Variants in SSH2 observed in about 807,000 individuals in gnomAD.
The protein encoded by SSH2 is slingshot protein phosphatase 2.
Under a neutral mutation model 135.2 loss-of-function variants are expected in SSH2, and 37 were observed. The ratio of observed to expected loss-of-function variants is 0.27; its 90% CI spans 0.21 to 0.36. The LOEUF is 0.36. SSH2 is among the 10% of genes least tolerant of loss of function. SSH2 has a pLI of 1.00. For synonymous variants in SSH2, 628 were observed against 646.2 expected, an observed-to-expected ratio of 0.97 and a Z score of 0.43; for missense variants, 1,408 against 1,765.3, an observed-to-expected ratio of 0.80 and a Z score of 3.63.
intron 1 of SSH2, chr17:29,855,935 G>A: frequency 3.7e-6 from 1 of 267,032 alleles, no homozygotes; most frequent in Non-Finnish European, 7.2e-6. Context: ...ACAAATGATT[G>A]GGAAATAGAA....
At chr17:29,820,638 A>G (rs1482417903) in intron 2 of SSH2, among the ~76,000 whole-genome samples, 1 of 152,234 alleles carries the variant, frequency 6.6e-6, no homozygotes, top group East Asian at 1.9e-4. Context: ...TCTAGAAAGT[A>G]TTCCCCAGCT....
Position 29,631,241 on chromosome 17 carries a change from G to A in SSH2, c.3953C>T (p.Pro1318Leu). Residue 1318 changes from proline (P) to leucine (L), a missense_variant, in exon 16 of 16, where the codon CCT becomes CTT. Around this residue, in one of 3 missense-constraint regions of SSH2, gnomAD observed 1,080 missense variants for 1,144.5 expected, o/e 0.94. Transcript: ENST00000540801. ...CATGCCTGAGTCTGTTCTGAGGAAA[G>A]GCTGAAGCAGTTTGAGATGAGGGGA... ...CESPHLKLLQ[P>L]FLRTDSGMHA... 1 of 1,614,076 alleles carries A rather than the reference G, an allele frequency of 6.2e-7. No homozygotes were observed. The highest frequency in any genetic ancestry group is 8.5e-7 in the Non-Finnish European group (1 of 1,180,040).
intron 1 of SSH2, among the ~76,000 whole-genome samples, chr17:29,913,777 G>A (rs1456445612): frequency 1.3e-5 from 2 of 151,856 alleles, no homozygotes; most frequent in Non-Finnish European, 2.9e-5. Context: ...TGGGATTACA[G>A]GCAAGCACCA....
At chr17:29,689,206 A>G (rs1216828778) in intron 5 of SSH2, among the ~76,000 whole-genome samples, 1 of 152,184 alleles carries the variant, frequency 6.6e-6, no homozygotes, top group Non-Finnish European at 1.5e-5. Context: ...AGGTTAAGGA[A>G]TTAAAAATCT....
At chr17:29,828,974 T>C (rs1256145376) in intron 2 of SSH2, among the ~76,000 whole-genome samples, 1 of 152,206 alleles carries the variant, frequency 6.6e-6, no homozygotes, top group Non-Finnish European at 1.5e-5. Context: ...CAAATGACAT[T>C]TGTAAAATTA....
rs144473714 is a variant in SSH2 at position 29,707,424 on chromosome 17, C to A, written c.189-4362G>T. 1.8e-3 allele frequency among the ~76,000 whole-genome samples: 279 copies of A among 152,148 alleles called. 2 individuals carry two copies. Among genetic ancestry groups the A allele is most frequent in the African/African-American group, 6.5e-3 (271 of 41,488 alleles). On this transcript the variant is annotated intron_variant, in intron 3 of 15. Coordinates refer to ENST00000540801, the MANE Select transcript of SSH2 (RefSeq NM_001282129.2). The stretch of plus-strand genomic sequence containing the variant: ...TCAAACTCACATATAGTATAAATAT[C>A]ACAAATTCACATATAAGAGAAAAGA...
intron 2 of SSH2, among the ~76,000 whole-genome samples, chr17:29,843,105 T>TGA (rs1351245579): frequency 6.6e-6 from 1 of 152,214 alleles, no homozygotes. Flanking sequence ...TTATCAGGAA[T>TGA]GACAGGACGT....
At position 29,738,269 on chromosome 17, in the gene SSH2, ATGG is replaced by A. The variant is rs960832523; in HGVS notation, c.189-35210_189-35208del. Among the ~76,000 whole-genome samples, 138 of 91,196 alleles carry A rather than the reference ATGG, an allele frequency of 1.5e-3. No homozygotes were observed. The East Asian group carries it at 0.026, about 17-fold the overall frequency. The allele number at this position is 91,196 out of a possible 152,430, so 59.8% of individuals were successfully genotyped here. A position where few individuals can be genotyped will look rare whatever the true frequency, so the allele number is the denominator to read the frequency against. On this transcript the variant is annotated intron_variant, in intron 3 of 15. Coordinates refer to ENST00000540801, the MANE Select transcript of SSH2 (RefSeq NM_001282129.2). ...AAAGGACATGAACTCATTCTTTTTT[ATGG>A]CTGCATAGTATTCCATGGTGTATAT...
intron 3 of SSH2, among the ~76,000 whole-genome samples, chr17:29,725,121 G>A (rs1039571788): frequency 6.6e-6 from 1 of 151,358 alleles, no homozygotes; most frequent in Non-Finnish European, 1.5e-5. Flanking sequence ...GCCAAGACGG[G>A]CAGATCACGA....
intron 2 of SSH2, among the ~76,000 whole-genome samples, chr17:29,813,936 C>T (rs948546350): frequency 6.8e-6 from 1 of 148,092 alleles, no homozygotes; most frequent in African/African-American, 2.5e-5. Flanking sequence ...TCAAGACCAT[C>T]CTGGCTAACA....
At chr17:29,694,241 G>A (rs938157258) in intron 5 of SSH2, among the ~76,000 whole-genome samples, 1 of 152,192 alleles carries the variant, frequency 6.6e-6, no homozygotes, top group Non-Finnish European at 1.5e-5. Context: ...AGTAAGCCAC[G>A]TGAATATTGA....
At chr17:29,858,377 G>T (rs976225544) in intron 1 of SSH2, among the ~76,000 whole-genome samples, 1 of 152,318 alleles carries the variant, frequency 6.6e-6, no homozygotes, top group African/African-American at 2.4e-5. Flanking sequence ...GGATCTAGGG[G>T]AATGTTACAG....
At chr17:29,914,129 TTA>T (rs1243426147) in intron 1 of SSH2, among the ~76,000 whole-genome samples, 4 of 152,206 alleles carry the variant, frequency 2.6e-5, no homozygotes, top group African/African-American at 9.6e-5. Context: ...ATCTTATATC[TTA>T]TATACAAAGC....
intron 1 of SSH2, among the ~76,000 whole-genome samples, chr17:29,911,811 T>C (rs750376337): frequency 1.3e-5 from 2 of 152,212 alleles, no homozygotes; most frequent in African/African-American, 4.8e-5. Flanking sequence ...AAGGAAAATA[T>C]ATTGTTTATA....
At chr17:29,904,334 A>C (rs1311246338) in intron 1 of SSH2, among the ~76,000 whole-genome samples, 2 of 152,192 alleles carry the variant, frequency 1.3e-5, no homozygotes, top group Non-Finnish European at 2.9e-5. Context: ...CTGGGATGCA[A>C]GGTTGGTTCA....
At chr17:29,661,130 C>T (rs2037023661) in intron 11 of SSH2, among the ~76,000 whole-genome samples, 1 of 151,410 alleles carries the variant, frequency 6.6e-6, no homozygotes. Context: ...CCACGTATCT[C>T]ATCCATAGCA....
intron 1 of SSH2, chr17:29,928,284 AATTAT>A: frequency 5.7e-6 from 2 of 353,538 alleles, no homozygotes; most frequent in East Asian, 8.3e-5. Flanking sequence ...CATAAGAATA[AATTAT>A]ATTAAAGATT....
chr17:29,680,665 A>T (rs2151068801), intron 6 of SSH2, among the ~76,000 whole-genome samples: 1 of 151,904 alleles, frequency 6.6e-6, no homozygotes, highest in South Asian at 2.1e-4. Context: ...ACAGAAACAC[A>T]GCTACCATGC....
chr17:29,641,672 A>G (rs2036165908), intron 14 of SSH2: 1 of 152,094 alleles, frequency 6.6e-6, no homozygotes, highest in Admixed American at 6.6e-5. Context: ...TATAGTTCCA[A>G]TTTTAGTGTA....
Sources: gnomAD v4.1 joint callset for allele counts (sites outside exome capture counted in the v4.1 genomes callset) on GRCh38, gnomAD v4.1.1 for gene constraint, gnomAD v4.1.1 regional missense constraint, MANE v1.5 for transcripts, NCBI Gene and HGNC (gene_info 2026-07-23, HGNC 2026-07-21) for gene names.